GLIS3: variants seen among roughly 807,000 people sequenced by gnomAD.
GLIS3 encodes GLIS family zinc finger 3.
GLIS3 carries 53 observed loss-of-function variants against 78.6 expected under a neutral mutation model. The observed-to-expected ratio is 0.67, with a 90% CI of 0.54 to 0.85. GLIS3 has a LOEUF of 0.85. Ranked by LOEUF, GLIS3 falls within the 40% of genes least tolerant of loss-of-function variation. The probability of loss-of-function intolerance (pLI) is 0.00; values close to 1 mark genes in which losing one functional copy is unlikely to be tolerated. For synonymous variants in GLIS3, 684 were observed against 509.9 expected, an observed-to-expected ratio of 1.34 and a Z score of -4.60; for missense variants, 1,703 against 1,231.1, an observed-to-expected ratio of 1.38 and a Z score of -5.74.
At chr9:4,246,500 G>C (rs559050100) in intron 2 of GLIS3, among the ~76,000 whole-genome samples, 3 of 152,290 alleles carry the variant, frequency 2.0e-5, no homozygotes, top group Admixed American at 1.3e-4. Flanking sequence ...TTTTCCCTAA[G>C]TGACATCTGC....
At chr9:4,184,175 T>G (rs897407700) in intron 2 of GLIS3, among the ~76,000 whole-genome samples, 1 of 152,172 alleles carries the variant, frequency 6.6e-6, no homozygotes, top group African/African-American at 2.4e-5. Flanking sequence ...GTATAAGCAA[T>G]TACAGCCAAC....
chr9:3,984,836 T>C (rs1819604118), intron 4 of GLIS3, among the ~76,000 whole-genome samples: 1 of 152,160 alleles, frequency 6.6e-6, no homozygotes, highest in African/African-American at 2.4e-5. Context: ...GTGTCTTCCC[T>C]GCACTGTTCT....
the GLIS3 span, among the ~76,000 whole-genome samples, chr9:4,356,466 T>C: frequency 6.6e-6 from 1 of 152,170 alleles, no homozygotes; most frequent in Non-Finnish European, 1.5e-5. Context: ...AACTTTCACA[T>C]GGAGAGCAGA....
chr9:4,105,771 G>C (rs1800843006), intron 4 of GLIS3, among the ~76,000 whole-genome samples: 1 of 152,076 alleles, frequency 6.6e-6, no homozygotes, highest in Non-Finnish European at 1.5e-5. Context: ...CTCTGTTCTT[G>C]ACTGATTCCA....
chr9:3,975,708 T>C (rs919013581), intron 4 of GLIS3, among the ~76,000 whole-genome samples: 9 of 152,182 alleles, frequency 5.9e-5, no homozygotes, highest in Non-Finnish European at 1.2e-4. Context: ...TGGTTCTTTT[T>C]TATGTCACTG....
chr9:4,246,012 G>A (rs1460633889), intron 2 of GLIS3, among the ~76,000 whole-genome samples: 2 of 152,090 alleles, frequency 1.3e-5, no homozygotes, highest in African/African-American at 4.8e-5. Flanking sequence ...CTATCTGCCA[G>A]AAAAGGAAAC....
intron 1 of GLIS3, among the ~76,000 whole-genome samples, chr9:4,288,524 C>T (rs1828189248): frequency 6.6e-6 from 1 of 151,856 alleles, no homozygotes; most frequent in Non-Finnish European, 1.5e-5. Context: ...CATATACGAG[C>T]AGGAATTCTC....
At position 3,951,278 on chromosome 9, in the gene GLIS3, CGTG is replaced by C. The variant is rs369712140; in HGVS notation, c.1711-14092_1711-14090del. On this transcript the variant is annotated intron_variant, in intron 4 of 10. Transcript: ENST00000381971. ...TGCTCAGTAAATAATACTGAAAAGA[CGTG>C]GTAGTAAAGCAACTTAAGAACATAC... is the stretch of plus-strand genomic sequence containing the variant. Among the ~76,000 whole-genome samples, 590 of 152,082 alleles carry C rather than the reference CGTG, an allele frequency of 3.9e-3. 4 individuals carry two copies. The highest frequency in any genetic ancestry group is 0.014 in the African/African-American group (570 of 41,482).
chr9:3,902,983 A>C (rs1431976708), intron 6 of GLIS3, among the ~76,000 whole-genome samples: 1 of 152,192 alleles, frequency 6.6e-6, no homozygotes. Flanking sequence ...GAATGTCTGC[A>C]AGTCATTGGA....
intron 2 of GLIS3, among the ~76,000 whole-genome samples, chr9:4,170,614 C>T (rs1310237380): frequency 3.3e-5 from 5 of 152,174 alleles, no homozygotes; most frequent in Non-Finnish European, 2.9e-5. Flanking sequence ...AGTCAACAAA[C>T]ACACTGTTCT....
chr9:4,109,572 T>C (rs1403810149), intron 4 of GLIS3, among the ~76,000 whole-genome samples: 1 of 152,194 alleles, frequency 6.6e-6, no homozygotes, highest in African/African-American at 2.4e-5. Flanking sequence ...GGAGAAGACC[T>C]GGGGAAGTCA....
the GLIS3 span, among the ~76,000 whole-genome samples, chr9:4,408,645 T>G: frequency 1.5e-5 from 2 of 134,372 alleles, no homozygotes; most frequent in Non-Finnish European, 1.5e-5. Context: ...GAGAATGGCG[T>G]GAACCCGGGA....
At chr9:3,857,952 T>C (rs1275395112) in intron 8 of GLIS3, among the ~76,000 whole-genome samples, 3 of 152,156 alleles carry the variant, frequency 2.0e-5, no homozygotes, top group Non-Finnish European at 4.4e-5. Context: ...GATCATAGAC[T>C]TTAGGGGCAG....
the GLIS3 span, among the ~76,000 whole-genome samples, chr9:4,409,411 G>A: frequency 6.6e-6 from 1 of 152,066 alleles, no homozygotes; most frequent in Admixed American, 6.6e-5. Context: ...AATATACTTA[G>A]ATATATTATC....
rs749872547 is a variant in GLIS3 at position 3,829,259 on chromosome 9, GTC to G, written c.2656+49_2656+50del. 5 of 1,559,644 alleles carry G rather than the reference GTC, an allele frequency of 3.2e-6. No homozygotes were observed. In the African/African-American group the frequency reaches 6.8e-5, roughly 21 times the overall value. On this transcript the variant is annotated intron_variant, in intron 10 of 10. Coordinates refer to ENST00000381971, the MANE Select transcript of GLIS3 (RefSeq NM_001042413.2). ...AGGTCGGTCACGGGCAGCCCACCTG[GTC>G]TCTCCTGTCAGTTGACAGGATTTTC...
At chr9:4,042,135 T>G (rs755645401) in intron 4 of GLIS3, among the ~76,000 whole-genome samples, 7 of 152,236 alleles carry the variant, frequency 4.6e-5, no homozygotes, top group Admixed American at 6.5e-5. Flanking sequence ...TTTTGTTTTT[T>G]TTTTCTTTAG....
chr9:4,428,563 T>C, the GLIS3 span, among the ~76,000 whole-genome samples: 1 of 151,130 alleles, frequency 6.6e-6, no homozygotes, highest in Non-Finnish European at 1.5e-5. Flanking sequence ...AACAAGCTAT[T>C]ATGTGTGGTT....
At chr9:4,161,180 G>A (rs1203059513) in intron 2 of GLIS3, among the ~76,000 whole-genome samples, 2 of 152,048 alleles carry the variant, frequency 1.3e-5, no homozygotes, top group African/African-American at 2.4e-5. Context: ...GACAGAGGCA[G>A]GAAGATTGCT....
At chr9:4,388,435 T>C in the GLIS3 span, among the ~76,000 whole-genome samples, 4 of 151,702 alleles carry the variant, frequency 2.6e-5, no homozygotes, top group African/African-American at 9.7e-5. Context: ...TCCCAGCACT[T>C]TGGGAGGCTG....
Sources: gnomAD v4.1 joint callset for allele counts (sites outside exome capture counted in the v4.1 genomes callset) on GRCh38, gnomAD v4.1.1 for gene constraint, MANE v1.5 for transcripts, NCBI Gene and HGNC (gene_info 2026-07-23, HGNC 2026-07-21) for gene names.